The following CCSER2 variants were observed in gnomAD, a reference collection of about 807,000 sequenced individuals.
CCSER2 encodes the protein serine-rich coiled-coil domain-containing protein 2.
In CCSER2, 46 loss-of-function variants were observed where a neutral mutation model predicts 92.3. That is an observed-to-expected ratio of 0.50 (90% CI 0.39 to 0.64). The LOEUF (loss-of-function observed/expected upper bound fraction) is 0.64. Among genes scored for constraint, CCSER2 ranks in the 30% least tolerant of loss-of-function variants. CCSER2 has a pLI of 0.00. For missense variants in CCSER2, 1,244 were observed against 1,238.9 expected, an observed-to-expected ratio of 1.00 and a Z score of -0.06; for synonymous variants, 433 against 431.4, an observed-to-expected ratio of 1.00 and a Z score of -0.04.
chr10:84,509,218 A>AT (rs1473332927), intron 9 of CCSER2, among the ~76,000 whole-genome samples: 1 of 152,182 alleles, frequency 6.6e-6, no homozygotes, highest in Non-Finnish European at 1.5e-5. Flanking sequence ...TTATTTAATC[A>AT]TTAATGCTTC....
intron 8 of CCSER2, 68 bp from the exon 9 acceptor site, chr10:84,477,507 T>G: frequency 3.9e-6 from 3 of 772,780 alleles, no homozygotes; most frequent in Non-Finnish European, 6.5e-6. Flanking sequence ...TTCCTAAAGT[T>G]TCTCTTGTGT....
chr10:84,391,344 G>A, intron 3 of CCSER2: 1 of 1,425,298 alleles, frequency 7.0e-7, no homozygotes, highest in Non-Finnish European at 9.9e-7. Context: ...GGACTTGGAG[G>A]CAACATTGAA....
At chr10:84,427,001 G>C (rs1302743902) in intron 5 of CCSER2, among the ~76,000 whole-genome samples, 1 of 152,154 alleles carries the variant, frequency 6.6e-6, no homozygotes, top group Non-Finnish European at 1.5e-5. Flanking sequence ...ACTCAATTGT[G>C]CTTTTGTGTA....
At chr10:84,430,389 C>T (rs1206164810) in intron 5 of CCSER2, among the ~76,000 whole-genome samples, 1 of 152,124 alleles carries the variant, frequency 6.6e-6, no homozygotes, top group Non-Finnish European at 1.5e-5. Context: ...CTCAGGTTTT[C>T]CTTTTATGAT....
chr10:84,350,859 C>G (rs1185293026), intron 1 of CCSER2, among the ~76,000 whole-genome samples: 2 of 152,172 alleles, frequency 1.3e-5, no homozygotes, highest in Non-Finnish European at 2.9e-5. Context: ...CATTTATAAG[C>G]GCTTCAGCTT....
At chr10:84,390,558 A>G (rs1428615920) in intron 3 of CCSER2, among the ~76,000 whole-genome samples, 2 of 152,208 alleles carry the variant, frequency 1.3e-5, no homozygotes, top group African/African-American at 4.8e-5. Flanking sequence ...TGATGTTATG[A>G]TAGTTATGAC....
intron 9 of CCSER2, among the ~76,000 whole-genome samples, chr10:84,503,407 T>C (rs1262342585): frequency 6.6e-6 from 1 of 152,338 alleles, no homozygotes; most frequent in African/African-American, 2.4e-5. Flanking sequence ...TTTAGGTCTT[T>C]CCTGCTGTTA....
chr10:84,345,251 C>T (rs4562753), intron 1 of CCSER2, among the ~76,000 whole-genome samples: 8,858 of 152,188 alleles, frequency 0.058, 368 homozygotes, highest in Admixed American at 0.1. Context: ...CAAATTATCA[C>T]GTGCATTATA....
intron 3 of CCSER2, among the ~76,000 whole-genome samples, chr10:84,410,381 A>G (rs1306377722): frequency 3.9e-5 from 6 of 152,238 alleles, no homozygotes; most frequent in Non-Finnish European, 8.8e-5. Context: ...ACTTCCACCA[A>G]CAGTGTAAAA....
At chr10:84,391,047 A>G in intron 3 of CCSER2, 1 of 777,554 alleles carries the variant, frequency 1.3e-6, no homozygotes, top group Non-Finnish European at 2.4e-6. Flanking sequence ...ATTCAGTAGG[A>G]CATCATTCAA....
At chr10:84,483,714 A>C (rs1048067807) in intron 9 of CCSER2, among the ~76,000 whole-genome samples, 2 of 150,744 alleles carry the variant, frequency 1.3e-5, no homozygotes, top group African/African-American at 4.9e-5. Flanking sequence ...CTTAGACCAT[A>C]TTCTTTCCTG....
intron 4 of CCSER2, among the ~76,000 whole-genome samples, chr10:84,424,404 C>T (rs1245670786): frequency 6.6e-6 from 1 of 151,974 alleles, no homozygotes; most frequent in East Asian, 1.9e-4. Flanking sequence ...ATGTATATTT[C>T]TTCTTCCTCA....
At chr10:84,331,174 C>T (rs1293827650) in intron 1 of CCSER2, among the ~76,000 whole-genome samples, 1 of 152,160 alleles carries the variant, frequency 6.6e-6, no homozygotes, top group African/African-American at 2.4e-5. Context: ...ATTGCTTAGG[C>T]TCACCTACAT....
Position 84,441,858 on chromosome 10 carries a change from G to A in CCSER2, c.2064+3151G>A, listed in dbSNP as rs531873015. Among the ~76,000 whole-genome samples, 5 of 138,690 alleles carry A rather than the reference G, an allele frequency of 3.6e-5. No homozygotes were observed. The South Asian group carries it at 9.4e-4, about 26-fold the overall frequency. 91.0% of individuals were successfully genotyped at this position (138,690 alleles called of 152,430 possible). On this transcript the variant is annotated intron_variant, in intron 6 of 9. Coordinates refer to ENST00000372088, the MANE Select transcript of CCSER2 (RefSeq NM_001284240.2). ...TGCAAACTCCACCTCCTGGGTTCAC[G>A]CCATTCTCCTGCCTCAGCCTCCCTA...
chr10:84,454,006 G>A (rs1222847213), intron 6 of CCSER2, among the ~76,000 whole-genome samples: 1 of 151,820 alleles, frequency 6.6e-6, no homozygotes, highest in Non-Finnish European at 1.5e-5. Flanking sequence ...TAGTTTTTTA[G>A]AGCTGCCATA....
At chr10:84,431,317 C>G (rs1188133373) in intron 5 of CCSER2, among the ~76,000 whole-genome samples, 1 of 152,104 alleles carries the variant, frequency 6.6e-6, no homozygotes, top group Non-Finnish European at 1.5e-5. Context: ...TTTGCTGTTT[C>G]TACAGTTTTG....
chr10:84,411,701 C>T (rs1365379634), intron 3 of CCSER2, among the ~76,000 whole-genome samples: 1 of 152,116 alleles, frequency 6.6e-6, no homozygotes. Flanking sequence ...GTTTAAGAAG[C>T]TTTGGGGCTA....
chr10:84,430,713 C>G (rs534292781), intron 5 of CCSER2, among the ~76,000 whole-genome samples: 1 of 152,274 alleles, frequency 6.6e-6, no homozygotes, highest in African/African-American at 2.4e-5. Context: ...ATGGGTGTGG[C>G]TATTGGATAA....
chr10:84,417,232 G>A (rs1268451171), intron 3 of CCSER2, among the ~76,000 whole-genome samples: 1 of 152,224 alleles, frequency 6.6e-6, no homozygotes, highest in Non-Finnish European at 1.5e-5. Context: ...CATATGCTAG[G>A]TTGAATAGTC....
Sources: gnomAD v4.1 joint callset for allele counts (sites outside exome capture counted in the v4.1 genomes callset) on GRCh38, gnomAD v4.1.1 for gene constraint, MANE v1.5 for transcripts, NCBI Gene and HGNC (gene_info 2026-07-23, HGNC 2026-07-21) for gene names.